YAF2: variants seen among roughly 807,000 people sequenced by gnomAD.
YAF2 encodes YY1 associated factor 2, also known as YY1-associated factor 2.
YAF2 carries 7 observed loss-of-function variants against 20.1 expected under a neutral mutation model. The observed-to-expected ratio is 0.35, with a 90% CI of 0.20 to 0.65. The LOEUF is 0.65. Among genes scored for constraint, YAF2 ranks in the 30% least tolerant of loss-of-function variants. The probability of loss-of-function intolerance (pLI) is 0.69; values close to 1 mark genes in which losing one functional copy is unlikely to be tolerated. For missense variants in YAF2, 151 were observed against 219.2 expected (o/e 0.69, Z 1.96); for synonymous variants, 74 against 76.0 (o/e 0.97, Z 0.14).
chr12:42,169,923 T>G (rs2136990355), intron 2 of YAF2, among the ~76,000 whole-genome samples: 1 of 151,736 alleles, frequency 6.6e-6, no homozygotes, highest in East Asian at 1.9e-4. Flanking sequence ...CAGGCTGGAG[T>G]GCAGTGGTAC....
intron 2 of YAF2, among the ~76,000 whole-genome samples, chr12:42,217,830 T>A (rs2067400471): frequency 6.6e-6 from 1 of 152,136 alleles, no homozygotes; most frequent in South Asian, 2.1e-4. Context: ...TGAGAGGGCA[T>A]TCACTCTGAC....
At chr12:42,170,213 A>G (rs1343550770) in intron 2 of YAF2, among the ~76,000 whole-genome samples, 3 of 152,092 alleles carry the variant, frequency 2.0e-5, no homozygotes, top group African/African-American at 7.2e-5. Flanking sequence ...ACATTACACC[A>G]TAATTGTAGG....
chr12:42,210,669 G>T, intron 2 of YAF2: 1 of 1,535,084 alleles, frequency 6.5e-7, no homozygotes, highest in Non-Finnish European at 8.7e-7. Context: ...AAGTGATCCA[G>T]CTTTTTCTTC....
In YAF2 at chr12:42,237,504, T is replaced by A. The variant is rs1333913323; in HGVS notation, c.152+95A>T. The stretch of plus-strand genomic sequence containing the variant: ...CCTCCGTCTGCCTCCTCCCGCCGGG[T>A]CCGCCAGTGTCATGGGAGGGGGCGG... On this transcript the variant is annotated intron_variant, in intron 2 of 3. Transcript: ENST00000534854. 6.6e-5 allele frequency: 90 copies of A among 1,368,458 alleles called. No individual in the cohort carries two copies. The East Asian group carries it at 2.5e-3, about 39-fold the overall frequency. The allele number at this position is 1,368,458 out of a possible 1,614,324, so 84.8% of individuals were successfully genotyped here. A position where few individuals can be genotyped will look rare whatever the true frequency, so the allele number is the denominator to read the frequency against.
chr12:42,225,647 GTGTT>G (rs913252022), intron 2 of YAF2, among the ~76,000 whole-genome samples: 1 of 152,130 alleles, frequency 6.6e-6, no homozygotes, highest in African/African-American at 2.4e-5. Context: ...CCTTTCCCCA[GTGTT>G]TGTTTTTGTC....
intron 2 of YAF2, among the ~76,000 whole-genome samples, chr12:42,189,313 G>A (rs2066553386): frequency 6.6e-6 from 1 of 152,200 alleles, no homozygotes; most frequent in Admixed American, 6.5e-5. Flanking sequence ...AACTGGTCTG[G>A]AGCCTGGGAT....
chr12:42,222,528 T>C (rs1426519903), intron 2 of YAF2, among the ~76,000 whole-genome samples: 1 of 152,154 alleles, frequency 6.6e-6, no homozygotes, highest in African/African-American at 2.4e-5. Flanking sequence ...TAGAAGGATA[T>C]ATAGGAAAGC....
chr12:42,235,944 AC>A, intron 2 of YAF2: 1 of 1,535,856 alleles, frequency 6.5e-7, no homozygotes, highest in Middle Eastern at 1.7e-4. Context: ...GGTTCCTCTA[AC>A]CCCAAGACTG....
At chr12:42,201,022 G>GA (rs2066884939) in intron 2 of YAF2, among the ~76,000 whole-genome samples, 1 of 152,116 alleles carries the variant, frequency 6.6e-6, no homozygotes, top group Non-Finnish European at 1.5e-5. Flanking sequence ...ACAGAACCTA[G>GA]ACACAGAAAG....
chr12:42,235,585 C>T (rs561247569), intron 2 of YAF2: 1 of 1,422,898 alleles, frequency 7.0e-7, no homozygotes, highest in African/African-American at 1.4e-5. Flanking sequence ...AAGGAAGAAG[C>T]TGAGAGGGTC....
chr12:42,216,906 C>T (rs1043294360), intron 2 of YAF2, among the ~76,000 whole-genome samples: 2 of 152,200 alleles, frequency 1.3e-5, no homozygotes, highest in African/African-American at 4.8e-5. Flanking sequence ...GATACCTCCC[C>T]TTCACTATGA....
chr12:42,207,120 G>A (rs1170851298), intron 2 of YAF2, among the ~76,000 whole-genome samples: 1 of 151,856 alleles, frequency 6.6e-6, no homozygotes, highest in Admixed American at 6.6e-5. Flanking sequence ...TCAATATAAC[G>A]ACCATATCAT....
At chr12:42,227,464 A>G in intron 2 of YAF2, among the ~76,000 whole-genome samples, 1 of 125,970 alleles carries the variant, frequency 7.9e-6, no homozygotes, top group Non-Finnish European at 1.7e-5. Flanking sequence ...CCATCGTCTG[A>G]GATGTGGGGA....
At chr12:42,215,331 G>A (rs947409465) in intron 2 of YAF2, among the ~76,000 whole-genome samples, 1 of 152,064 alleles carries the variant, frequency 6.6e-6, no homozygotes, top group Non-Finnish European at 1.5e-5. Flanking sequence ...AGCACTTTGG[G>A]AGGCTGAGGT....
intron 2 of YAF2, among the ~76,000 whole-genome samples, chr12:42,206,036 T>A (rs1490248592): frequency 6.6e-6 from 1 of 152,122 alleles, no homozygotes; most frequent in Non-Finnish European, 1.5e-5. Flanking sequence ...CAATCTATCC[T>A]CTAAGTGTCA....
At chr12:42,234,306 T>C in intron 2 of YAF2, 1 of 985,448 alleles carries the variant, frequency 1.0e-6, no homozygotes, top group South Asian at 4.7e-5. Flanking sequence ...TTGTTTCCTT[T>C]TAAAAAATTT....
In YAF2 at chr12:42,196,702, G is replaced by A. The variant is rs183298743; in HGVS notation, c.153-34937C>T. Among the ~76,000 whole-genome samples the A allele has an allele frequency of 6.1e-4, 93 of 152,284 alleles. 1 individual carries two copies. The highest frequency in any genetic ancestry group is 2.6e-4 in the Non-Finnish European group (18 of 68,012). ...AAACTGTTGCAATGAACAAAGTGTT[G>A]CTACATCTTTCTTTTTAAAAAAGAA... On this transcript the variant is annotated intron_variant, in intron 2 of 3. Transcript: ENST00000534854.
At chr12:42,229,932 T>C (rs545616629) in intron 2 of YAF2, among the ~76,000 whole-genome samples, 2 of 152,332 alleles carry the variant, frequency 1.3e-5, no homozygotes, top group East Asian at 3.9e-4. Context: ...ATCAATATGA[T>C]ACCAAGGGGT....
intron 2 of YAF2, among the ~76,000 whole-genome samples, chr12:42,197,817 G>A (rs2066793360): frequency 6.6e-6 from 1 of 152,014 alleles, no homozygotes; most frequent in Non-Finnish European, 1.5e-5. Flanking sequence ...GCTGCTATTG[G>A]GATACATGGA....
Sources: gnomAD v4.1 joint callset for allele counts (sites outside exome capture counted in the v4.1 genomes callset) on GRCh38, gnomAD v4.1.1 for gene constraint, MANE v1.5 for transcripts, NCBI Gene and HGNC (gene_info 2026-07-23, HGNC 2026-07-21) for gene names.